SLC25A36: variants seen among roughly 807,000 people sequenced by gnomAD.
The protein encoded by SLC25A36 is epididymis secretory sperm binding protein.
In SLC25A36, 24 loss-of-function variants were observed where a neutral mutation model predicts 35.3. The observed-to-expected ratio is 0.68, with a 90% confidence interval of 0.49 to 0.96. The LOEUF is 0.96. SLC25A36 is among the 40% of genes least tolerant of loss of function. The pLI is 0.00. For missense variants in SLC25A36, 294 were observed against 381.1 expected, an observed-to-expected ratio of 0.77 and a Z score of 1.90; for synonymous variants, 141 against 132.2, an observed-to-expected ratio of 1.07 and a Z score of -0.46.
rs1935135591 is a variant in SLC25A36, at chr3:140,979,503, T to C, written c.*3050T>C. 6.6e-6 allele frequency: 1 copy of C among 152,168 alleles called. No homozygotes were observed. The highest frequency in any genetic ancestry group is 2.4e-5 in the African/African-American group (1 of 41,452). 9.4% of individuals were successfully genotyped at this position (152,168 alleles called of 1,614,324 possible). On this transcript the variant is annotated 3_prime_UTR_variant, in exon 7 of 7. Transcript: ENST00000324194. ...CAGTTCAGCCTTTTCTCCTCAAATA[T>C]ATAATGACTTTAACATTCCTAAGAA...
chr3:140,968,258 GT>G, intron 4 of SLC25A36: 1 of 925,000 alleles, frequency 1.1e-6, no homozygotes, highest in Non-Finnish European at 1.3e-6. Flanking sequence ...AAGGACCTGA[GT>G]TTTTAGCGGT....
At chr3:140,942,135 G>T in intron 1 of SLC25A36, 40 bp downstream of exon 1, 1 of 684,642 alleles carries the variant, frequency 1.5e-6, no homozygotes, top group Non-Finnish European at 2.0e-6. Flanking sequence ...GGCTGAGGGT[G>T]CTGGGGCCGA....
chr3:140,978,674 G>T lies in SLC25A36; in HGVS notation c.*2221G>T, dbSNP rs1935114167. On this transcript the variant is annotated 3_prime_UTR_variant, in exon 7 of 7. Coordinates refer to ENST00000324194, the MANE Select transcript of SLC25A36 (RefSeq NM_001104647.3). ...TTCAGCTTTTAACAGTATTATGTAT[G>T]TACTGGAAAGCAAAGAAATCTTAGA... The T allele has an allele frequency of 6.6e-6, 1 of 152,142 alleles. No individual in the cohort carries two copies. Among genetic ancestry groups the T allele is most frequent in the Non-Finnish European group, 1.5e-5 (1 of 68,008 alleles). 9.4% of individuals were successfully genotyped at this position (152,142 alleles called of 1,614,324 possible).
chr3:140,958,440 C>G (rs1292264622), intron 2 of SLC25A36, among the ~76,000 whole-genome samples: 1 of 152,140 alleles, frequency 6.6e-6, no homozygotes, highest in Non-Finnish European at 1.5e-5. Context: ...TGTTACAATT[C>G]TTTTTACCAA....
intron 3 of SLC25A36, among the ~76,000 whole-genome samples, chr3:140,959,751 G>A (rs930429313): frequency 6.6e-6 from 1 of 152,164 alleles, no homozygotes; most frequent in Non-Finnish European, 1.5e-5. Flanking sequence ...GGTAGGAAAT[G>A]ATACTGGATA....
At chr3:140,957,488 T>C (rs1300903013) in intron 2 of SLC25A36, among the ~76,000 whole-genome samples, 1 of 152,222 alleles carries the variant, frequency 6.6e-6, no homozygotes, top group Non-Finnish European at 1.5e-5. Context: ...ACGCCCATAA[T>C]CCCAGCACTT....
chr3:140,962,287 ACT>A (rs1934650301), intron 3 of SLC25A36, among the ~76,000 whole-genome samples: 1 of 152,118 alleles, frequency 6.6e-6, no homozygotes, highest in African/African-American at 2.4e-5. Flanking sequence ...TGTATTTGTC[ACT>A]CTGTTTCTTA....
At chr3:140,956,328 A>T (rs1934477744) in intron 1 of SLC25A36, among the ~76,000 whole-genome samples, 199 bp from the exon 2 acceptor site, 4 of 152,164 alleles carry the variant, frequency 2.6e-5, no homozygotes, top group Admixed American at 2.6e-4. Context: ...AGCTGTGTTC[A>T]TTTTAGTTAC....
At chr3:140,963,634 C>A (rs1158315190) in intron 4 of SLC25A36, 1 of 156,702 alleles carries the variant, frequency 6.4e-6, no homozygotes, top group Non-Finnish European at 1.4e-5. Context: ...GTCGGCAATT[C>A]TTGGTAAAGT....
At chr3:140,943,991 A>C (rs1480813707) in intron 1 of SLC25A36, among the ~76,000 whole-genome samples, 1 of 148,990 alleles carries the variant, frequency 6.7e-6, no homozygotes, top group Non-Finnish European at 1.5e-5. Flanking sequence ...TTAGAGTATT[A>C]AATGAGATAT....
At chr3:140,947,946 G>GT (rs144062348) in intron 1 of SLC25A36, among the ~76,000 whole-genome samples, 11,355 of 152,044 alleles carry the variant, frequency 0.075, 534 homozygotes, top group East Asian at 0.16. Context: ...AGTCTACGTG[G>GT]TTTTTTTAAT....
Position 140,976,239 on chromosome 3 carries a change from TTTTA to T in SLC25A36, c.743-17_743-14del. 1 of 1,503,814 alleles carries T rather than the reference TTTTA, an allele frequency of 6.6e-7. No homozygotes were observed. 93.2% of individuals were successfully genotyped at this position (1,503,814 alleles called of 1,614,324 possible). A position where few individuals can be genotyped will look rare whatever the true frequency, so the allele number is the denominator to read the frequency against. On this transcript the variant is annotated splice_polypyrimidine_tract_variant and intron_variant, in intron 6 of 6. Transcript: ENST00000324194. ...GTGTAAAGATATCAGTAATGTTTAA[TTTTA>T]TTTCTTTCCTACACAGAAGTTGTAA...
At chr3:140,963,064 A>G in intron 3 of SLC25A36, 63 bp from the exon 4 acceptor site, 2 of 1,035,878 alleles carry the variant, frequency 1.9e-6, no homozygotes, top group East Asian at 2.7e-5. Context: ...ATGAAGATCA[A>G]TTTATATGTA....
chr3:140,966,999 G>C, intron 4 of SLC25A36: 1 of 456,186 alleles, frequency 2.2e-6, no homozygotes, highest in Non-Finnish European at 4.4e-6. Context: ...CCCATCCGCA[G>C]GTCACTTCCT....
chr3:140,969,516 A>G (rs1430913732), intron 4 of SLC25A36, among the ~76,000 whole-genome samples: 1 of 151,964 alleles, frequency 6.6e-6, no homozygotes, highest in East Asian at 1.9e-4. Context: ...TTTGTATCCC[A>G]TTTATCTTGC....
intron 4 of SLC25A36, among the ~76,000 whole-genome samples, chr3:140,967,667 T>A (rs1303169711): frequency 2.0e-5 from 3 of 151,934 alleles, no homozygotes; most frequent in Non-Finnish European, 4.4e-5. Flanking sequence ...TAAGCAGAAT[T>A]TTTCTGTTAA....
rs547803803 is a variant in SLC25A36 at position 140,952,690 on chromosome 3, A to T, written c.42-3837A>T. 4.6e-5 allele frequency among the ~76,000 whole-genome samples: 7 copies of T among 152,316 alleles called. No homozygotes were observed. The South Asian group carries it at 1.4e-3, about 32-fold the overall frequency. On this transcript the variant is annotated intron_variant, in intron 1 of 6. Transcript: ENST00000324194. ...CATCTTTACAACAAGCGTGTGAGGC[A>T]TAGGTATTGTTTTTACCATTGTTGT...
At chr3:140,973,024 A>AT (rs1477972615) in intron 5 of SLC25A36, 1 of 152,200 alleles carries the variant, frequency 6.6e-6, no homozygotes, top group Non-Finnish European at 1.5e-5. Context: ...GTTGTATTCT[A>AT]TAAGAGTAGG....
chr3:140,965,848 T>C (rs888049268), intron 4 of SLC25A36: 4 of 151,846 alleles, frequency 2.6e-5, no homozygotes, highest in Non-Finnish European at 5.9e-5. Context: ...TTGTTGCCTG[T>C]ATATTTTGTT....
Sources: allele counts gnomAD v4.1 joint callset (sites outside exome capture counted in the v4.1 genomes callset), GRCh38; gene constraint gnomAD v4.1.1; transcripts MANE v1.5; gene names NCBI Gene and HGNC (gene_info 2026-07-23, HGNC 2026-07-21).